Variants in PTPRM observed in about 807,000 individuals in gnomAD.
The protein encoded by PTPRM is receptor-type tyrosine-protein phosphatase mu.
Under a neutral mutation model 186.7 loss-of-function variants are expected in PTPRM, and 47 were observed. The ratio of observed to expected loss-of-function variants is 0.25; its 90% CI spans 0.20 to 0.32. The LOEUF is 0.32. Ranked by LOEUF, PTPRM falls within the 10% of genes least tolerant of loss-of-function variation. PTPRM has a pLI of 1.00. For missense variants in PTPRM, 1,494 were observed against 1,865.0 expected (o/e 0.80, Z 3.66); for synonymous variants, 668 against 674.9 (o/e 0.99, Z 0.16).
At chr18:8,020,933 C>A (rs568375965) in intron 7 of PTPRM, among the ~76,000 whole-genome samples, 1 of 152,246 alleles carries the variant, frequency 6.6e-6, no homozygotes, top group Non-Finnish European at 1.5e-5. Context: ...TGTAATTCAC[C>A]AAAGTTTCCC....
intron 13 of PTPRM, among the ~76,000 whole-genome samples, chr18:8,142,073 A>G (rs554084746): frequency 9.8e-5 from 15 of 152,374 alleles, no homozygotes; most frequent in East Asian, 3.9e-4. Context: ...TGTAATTACC[A>G]TAAAGGATAA....
At chr18:8,341,805 A>C (rs1161410518) in intron 22 of PTPRM, among the ~76,000 whole-genome samples, 1 of 152,298 alleles carries the variant, frequency 6.6e-6, no homozygotes, top group South Asian at 2.1e-4. Flanking sequence ...ACCTCTCTGC[A>C]AGCCAGAACT....
chr18:8,036,349 T>C (rs2086328554), intron 7 of PTPRM, among the ~76,000 whole-genome samples: 1 of 152,214 alleles, frequency 6.6e-6, no homozygotes, highest in Non-Finnish European at 1.5e-5. Flanking sequence ...TTTTAGAGAT[T>C]TTTATAGAGG....
intron 2 of PTPRM, among the ~76,000 whole-genome samples, chr18:7,801,538 T>A (rs1035378546): frequency 1.1e-4 from 17 of 152,298 alleles, no homozygotes; most frequent in African/African-American, 2.6e-4. Context: ...TTTTTTCATA[T>A]GTAGAAGGAG....
intron 2 of PTPRM, among the ~76,000 whole-genome samples, chr18:7,873,749 T>TAAC (rs920405299): frequency 6.6e-6 from 1 of 151,086 alleles, no homozygotes; most frequent in African/African-American, 2.4e-5. Flanking sequence ...CCACTTTATA[T>TAAC]AACTTTATAT....
intron 23 of PTPRM, among the ~76,000 whole-genome samples, chr18:8,349,910 A>G (rs2095525429): frequency 6.6e-6 from 1 of 152,162 alleles, no homozygotes; most frequent in African/African-American, 2.4e-5. Flanking sequence ...CACACTGGTC[A>G]CCCCAGCATC....
intron 14 of PTPRM, among the ~76,000 whole-genome samples, chr18:8,146,702 G>A (rs1005813769): frequency 6.6e-6 from 1 of 152,066 alleles, no homozygotes; most frequent in African/African-American, 2.4e-5. Flanking sequence ...ATTGCTTTTG[G>A]TGTTTTAGAC....
intron 14 of PTPRM, among the ~76,000 whole-genome samples, chr18:8,162,878 G>A (rs1354916209): frequency 6.6e-6 from 1 of 152,190 alleles, no homozygotes; most frequent in African/African-American, 2.4e-5. Context: ...TCCACAGCCT[G>A]GCGAGCTGAT....
intron 4 of PTPRM, among the ~76,000 whole-genome samples, chr18:7,907,756 G>A (rs907322622): frequency 8.6e-5 from 13 of 151,904 alleles, no homozygotes; most frequent in South Asian, 6.2e-4. Context: ...CCGCAAATGT[G>A]TGTGTGTGTG....
chr18:7,592,311 T>C (rs1273415283), intron 1 of PTPRM, among the ~76,000 whole-genome samples: 1 of 152,140 alleles, frequency 6.6e-6, no homozygotes, highest in Non-Finnish European at 1.5e-5. Context: ...AGAGTAAAAA[T>C]AGGGCAAATA....
chr18:8,324,704 C>A (rs931526300), intron 22 of PTPRM, among the ~76,000 whole-genome samples: 3 of 152,148 alleles, frequency 2.0e-5, no homozygotes, highest in Non-Finnish European at 4.4e-5. Context: ...ATCTTTACCA[C>A]AAATATGGGA....
At chr18:8,323,027 C>T (rs2095355092) in intron 22 of PTPRM, among the ~76,000 whole-genome samples, 3 of 152,050 alleles carry the variant, frequency 2.0e-5, no homozygotes, top group Admixed American at 2.0e-4. Flanking sequence ...CTCCCTAAAT[C>T]TGTGTTGTCC....
chr18:8,282,770 C>T (rs1188105364), intron 19 of PTPRM, among the ~76,000 whole-genome samples: 1 of 152,160 alleles, frequency 6.6e-6, no homozygotes, highest in African/African-American at 2.4e-5. Flanking sequence ...CCCCACAAAA[C>T]TCTGTAAATA....
In PTPRM at chr18:8,344,444, G is replaced by GTA. The variant is rs749210473; in HGVS notation, c.3054+925_3054+926insAT. 5.4e-5 allele frequency among the ~76,000 whole-genome samples: 7 copies of GTA among 129,534 alleles called. No homozygotes were observed. The East Asian group carries it at 6.7e-4, about 12-fold the overall frequency. 85.0% of individuals were successfully genotyped at this position (129,534 alleles called of 152,430 possible). A position where few individuals can be genotyped will look rare whatever the true frequency, so the allele number is the denominator to read the frequency against. ...GAGATATATATATGTGTGTGTGTGTGTGTGTATATATATATATATATATAT... is the reference window on the plus strand; with the variant it reads ...GAGATATATATATGTGTGTGTGTGTGTATGTGTATATATATATATATATATAT... On this transcript the variant is annotated intron_variant, in intron 23 of 32. Transcript: ENST00000580170.
chr18:7,746,138 A>G (rs763934046), intron 1 of PTPRM, among the ~76,000 whole-genome samples: 15 of 152,236 alleles, frequency 9.9e-5, no homozygotes, highest in Non-Finnish European at 1.8e-4. Context: ...GAAATTTGGG[A>G]AAATTACAAA....
intron 9 of PTPRM, among the ~76,000 whole-genome samples, chr18:8,083,725 A>G (rs2090278594): frequency 6.6e-6 from 1 of 152,164 alleles, no homozygotes; most frequent in Non-Finnish European, 1.5e-5. Flanking sequence ...CAATGTTTGA[A>G]TAAAGTAAAT....
rs117568705 is a variant in PTPRM, at chr18:8,124,912, G to T, written c.2167+10085G>T. On this transcript the variant is annotated intron_variant, in intron 13 of 32. Transcript: ENST00000580170. ...AAAAATCCTATTTGATGCTATACTT[G>T]CACTGGGAAGCTTTTGTGAGATGAT... Among the ~76,000 whole-genome samples the T allele has an allele frequency of 7.9e-5, 12 of 152,212 alleles. No individual in the cohort carries two copies. The East Asian group carries it at 2.1e-3, about 27-fold the overall frequency.
chr18:7,648,599 A>G (rs1273346982), intron 1 of PTPRM, among the ~76,000 whole-genome samples: 1 of 152,194 alleles, frequency 6.6e-6, no homozygotes, highest in Non-Finnish European at 1.5e-5. Flanking sequence ...TGATATGGAT[A>G]ATGTTTGAGT....
intron 2 of PTPRM, among the ~76,000 whole-genome samples, chr18:7,847,545 A>G (rs1172136721): frequency 6.6e-6 from 1 of 152,142 alleles, no homozygotes; most frequent in Non-Finnish European, 1.5e-5. Flanking sequence ...GGTTTCAGGC[A>G]TAGCTGGATC....
Sources: gnomAD v4.1 joint callset for allele counts (sites outside exome capture counted in the v4.1 genomes callset) on GRCh38, gnomAD v4.1.1 for gene constraint, MANE v1.5 for transcripts, NCBI Gene and HGNC (gene_info 2026-07-23, HGNC 2026-07-21) for gene names.